Variants in KCNIP4 observed in about 807,000 individuals in gnomAD.
KCNIP4 encodes the protein Kv channel-interacting protein 4.
KCNIP4 carries 12 observed loss-of-function variants against 34.0 expected under a neutral mutation model. That is an observed-to-expected ratio of 0.35 (90% confidence interval 0.23 to 0.57). KCNIP4 has a LOEUF of 0.57. Ranked by LOEUF, KCNIP4 falls within the 20% of genes least tolerant of loss-of-function variation. The pLI is 0.83. For synonymous variants in KCNIP4, 124 were observed against 102.2 expected (o/e 1.21, Z -1.29); for missense variants, 238 against 311.7 (o/e 0.76, Z 1.78).
At chr4:21,819,026 T>C (rs1722163381) in intron 1 of KCNIP4, among the ~76,000 whole-genome samples, 1 of 152,336 alleles carries the variant, frequency 6.6e-6, no homozygotes, top group Non-Finnish European at 1.5e-5. Flanking sequence ...ATGACCACAC[T>C]TTAAGCCATA....
chr4:21,721,087 T>C (rs1466676990), intron 1 of KCNIP4, among the ~76,000 whole-genome samples: 5 of 152,202 alleles, frequency 3.3e-5, no homozygotes, highest in African/African-American at 9.6e-5. Flanking sequence ...CCTTGTTCTT[T>C]AACACTAGAG....
intron 1 of KCNIP4, among the ~76,000 whole-genome samples, chr4:21,407,293 C>T (rs1003675334): frequency 6.6e-6 from 1 of 152,004 alleles, no homozygotes; most frequent in Non-Finnish European, 1.5e-5. Context: ...ATGCACCCTC[C>T]ATAAATAAAC....
intron 1 of KCNIP4, among the ~76,000 whole-genome samples, chr4:21,006,173 C>T (rs753257293): frequency 1.3e-5 from 2 of 152,180 alleles, no homozygotes; most frequent in African/African-American, 2.4e-5. Flanking sequence ...AGGCACTATG[C>T]TGGGTCCTGA....
At chr4:21,498,841 T>C (rs576078724) in intron 1 of KCNIP4, among the ~76,000 whole-genome samples, 1 of 152,142 alleles carries the variant, frequency 6.6e-6, no homozygotes, top group African/African-American at 2.4e-5. Flanking sequence ...GAACCACATA[T>C]CTTTCTCTCC....
At chr4:21,241,542 C>A (rs986877280) in intron 1 of KCNIP4, among the ~76,000 whole-genome samples, 1 of 152,100 alleles carries the variant, frequency 6.6e-6, no homozygotes, top group Admixed American at 6.6e-5. Context: ...AAACTCCAGT[C>A]TTTTCAGAGG....
chr4:20,915,887 T>C (rs945024553), intron 1 of KCNIP4, among the ~76,000 whole-genome samples: 3 of 152,156 alleles, frequency 2.0e-5, no homozygotes, highest in African/African-American at 7.2e-5. Context: ...AAATGTTGCT[T>C]TAATGCCAGA....
chr4:20,959,837 G>GT (rs1265585230), intron 1 of KCNIP4, among the ~76,000 whole-genome samples: 87 of 152,256 alleles, frequency 5.7e-4, no homozygotes, highest in African/African-American at 2.1e-3. Context: ...GTAACCTTGG[G>GT]TGCAATCCTT....
intron 1 of KCNIP4, among the ~76,000 whole-genome samples, chr4:21,398,111 T>C (rs1723161521): frequency 6.6e-6 from 1 of 152,222 alleles, no homozygotes; most frequent in East Asian, 1.9e-4. Context: ...TTTGTTTGTT[T>C]GTTTTTTGGT....
chr4:21,828,970 A>G (rs1237834859), intron 1 of KCNIP4, among the ~76,000 whole-genome samples: 4 of 151,990 alleles, frequency 2.6e-5, no homozygotes, highest in Non-Finnish European at 5.9e-5. Flanking sequence ...CATATAGGGG[A>G]AAAGCAATAT....
intron 1 of KCNIP4, among the ~76,000 whole-genome samples, chr4:21,747,794 T>C (rs764984251): frequency 5.9e-5 from 9 of 152,176 alleles, no homozygotes; most frequent in Non-Finnish European, 1.2e-4. Flanking sequence ...TGTAACCGTA[T>C]TTGGAAATGT....
chr4:20,917,379 G>A (rs1248199264), intron 1 of KCNIP4, among the ~76,000 whole-genome samples: 1 of 151,866 alleles, frequency 6.6e-6, no homozygotes, highest in Non-Finnish European at 1.5e-5. Flanking sequence ...CCCGACAGGG[G>A]TCACACATGT....
rs769994563 is a variant in KCNIP4, at chr4:21,394,010, G to A, written c.62-511301C>T. Among the ~76,000 whole-genome samples, 10 of 152,222 alleles carry A rather than the reference G, an allele frequency of 6.6e-5. No individual in the cohort carries two copies. The East Asian group carries it at 9.7e-4, about 15-fold the overall frequency. On this transcript the variant is annotated intron_variant, in intron 1 of 8. Coordinates refer to ENST00000382152, the MANE Select transcript of KCNIP4 (RefSeq NM_025221.6). ...GGTTCAATCCCTACTTGCCTACTGC[G>A]TGAAGTGTTATTCTTAGGGAAGTTA...
At chr4:20,763,903 T>C (rs1367031896) in intron 3 of KCNIP4, among the ~76,000 whole-genome samples, 1 of 152,184 alleles carries the variant, frequency 6.6e-6, no homozygotes, top group Non-Finnish European at 1.5e-5. Context: ...GTATAAATTG[T>C]CTCCATTTCC....
chr4:21,292,668 C>T (rs962503968), intron 1 of KCNIP4, among the ~76,000 whole-genome samples: 4 of 152,058 alleles, frequency 2.6e-5, no homozygotes, highest in African/African-American at 9.7e-5. Flanking sequence ...TCAATTACTC[C>T]CCACCACACA....
chr4:20,886,406 GAGAATT>G (rs1725318605), intron 1 of KCNIP4, among the ~76,000 whole-genome samples: 1 of 152,212 alleles, frequency 6.6e-6, no homozygotes, highest in South Asian at 2.1e-4. Flanking sequence ...AGGGTTAAGA[GAGAATT>G]GATGTATGCG....
chr4:21,448,529 C>T (rs1728238236), intron 1 of KCNIP4, among the ~76,000 whole-genome samples: 1 of 152,072 alleles, frequency 6.6e-6, no homozygotes, highest in Non-Finnish European at 1.5e-5. Flanking sequence ...GATTTCTTCT[C>T]ATGGCTTATA....
chr4:21,279,947 T>C (rs1762676445), intron 1 of KCNIP4, among the ~76,000 whole-genome samples: 1 of 151,946 alleles, frequency 6.6e-6, no homozygotes, highest in African/African-American at 2.4e-5. Context: ...TTCCTAGCAC[T>C]AGCAAATTGA....
intron 1 of KCNIP4, among the ~76,000 whole-genome samples, chr4:21,557,987 G>C (rs909871779): frequency 6.6e-6 from 1 of 152,122 alleles, no homozygotes; most frequent in East Asian, 1.9e-4. Context: ...TGAGGTTTCT[G>C]GCTGAGAGTC....
At chr4:21,643,181 G>A (rs1306485998) in intron 1 of KCNIP4, among the ~76,000 whole-genome samples, 1 of 152,086 alleles carries the variant, frequency 6.6e-6, no homozygotes, top group Non-Finnish European at 1.5e-5. Context: ...TCAAATATCT[G>A]TTTTCTTCCC....
Sources: allele counts gnomAD v4.1 joint callset (sites outside exome capture counted in the v4.1 genomes callset), GRCh38; gene constraint gnomAD v4.1.1; transcripts MANE v1.5; gene names NCBI Gene and HGNC (gene_info 2026-07-23, HGNC 2026-07-21).